The following CCDC195 variants were observed in gnomAD, a reference collection of about 807,000 sequenced individuals.
CCDC195 encodes coiled-coil domain-containing protein 195.
chr2:224,704,610 C>CTTTTTTTTTTTTTTTT (rs55801561), intron 2 of CCDC195, among the ~76,000 whole-genome samples: 9 of 110,616 alleles, frequency 8.1e-5, no homozygotes, highest in East Asian at 2.8e-4. Context: ...CTTTTCTTTT[C>CTTTTTTTTTTTTTTTT]TTTTTTTTTT....
intron 2 of CCDC195, among the ~76,000 whole-genome samples, chr2:224,706,821 C>G (rs773362807): frequency 5.3e-5 from 8 of 151,052 alleles, no homozygotes; most frequent in Non-Finnish European, 1.2e-4. Context: ...CTGGCTGTAA[C>G]TTTTTTTATG....
chr2:224,704,291 T>C (rs1237980779), intron 2 of CCDC195, among the ~76,000 whole-genome samples: 1 of 152,216 alleles, frequency 6.6e-6, no homozygotes. Flanking sequence ...CTTTTGACTG[T>C]GAATTAACTG....
At chr2:224,709,581 G>A (rs1689284541) in intron 2 of CCDC195, among the ~76,000 whole-genome samples, 1 of 152,176 alleles carries the variant, frequency 6.6e-6, no homozygotes, top group African/African-American at 2.4e-5. Flanking sequence ...AGCTCTTAAA[G>A]TAACTGTGCC....
chr2:224,705,345 T>A (rs1302809608), intron 2 of CCDC195, among the ~76,000 whole-genome samples: 1 of 152,216 alleles, frequency 6.6e-6, no homozygotes, highest in East Asian at 1.9e-4. Context: ...TGAAATTTGT[T>A]TTTCTAAAAC....
chr2:224,706,465 A>G (rs1697241565), intron 2 of CCDC195, among the ~76,000 whole-genome samples: 2 of 147,050 alleles, frequency 1.4e-5, no homozygotes, highest in Non-Finnish European at 3.0e-5. Context: ...TTGGCCTCCC[A>G]GAGTGCTGGG....
At chr2:224,715,719 T>G (rs1689372723) in intron 1 of CCDC195, among the ~76,000 whole-genome samples, 1 of 152,222 alleles carries the variant, frequency 6.6e-6, no homozygotes, top group East Asian at 1.9e-4. Flanking sequence ...CCATATTTGT[T>G]GACTTTGACA....
At chr2:224,715,701 A>G (rs531471801) in intron 1 of CCDC195, among the ~76,000 whole-genome samples, 40 of 152,336 alleles carry the variant, frequency 2.6e-4, no homozygotes, top group South Asian at 2.1e-3. Context: ...GAAGTGGTCA[A>G]TTGGCAACCA....
rs552840193 is a variant in CCDC195 at position 224,711,227 on chromosome 2, T to G, written c.236-1008A>C. 9.9e-5 allele frequency among the ~76,000 whole-genome samples: 15 copies of G among 152,232 alleles called. No homozygotes were observed. In the South Asian group the frequency reaches 2.7e-3, roughly 27 times the overall value. On this transcript the variant is annotated intron_variant, in intron 1 of 2. Coordinates refer to ENST00000638102, the Ensembl canonical transcript of CCDC195. ...ACACATGGCAAAGAGCAAAGATGCATGGTGTGGGAAATTGGAGAGCCCCTG... is the reference window on the plus strand; with the variant it reads ...ACACATGGCAAAGAGCAAAGATGCAGGGTGTGGGAAATTGGAGAGCCCCTG...
At chr2:224,704,881 C>T (rs539888898) in intron 2 of CCDC195, among the ~76,000 whole-genome samples, 104 of 152,220 alleles carry the variant, frequency 6.8e-4, no homozygotes, top group African/African-American at 2.2e-3. Flanking sequence ...CTTGACCTCC[C>T]GAAATGCTGG....
At chr2:224,706,138 A>T (rs548960841) in intron 2 of CCDC195, among the ~76,000 whole-genome samples, 1 of 134,726 alleles carries the variant, frequency 7.4e-6, no homozygotes, top group South Asian at 2.7e-4. Context: ...GATTATGAAG[A>T]GTTTTGTTTT....
intron 1 of CCDC195, among the ~76,000 whole-genome samples, chr2:224,710,977 T>C (rs1355814161): frequency 6.6e-6 from 1 of 152,158 alleles, no homozygotes; most frequent in East Asian, 1.9e-4. Flanking sequence ...ATAATAAAAA[T>C]AGACCTTAAA....
At chr2:224,704,227 T>G (rs907503679) in intron 2 of CCDC195, among the ~76,000 whole-genome samples, 1 of 152,222 alleles carries the variant, frequency 6.6e-6, no homozygotes, top group Admixed American at 6.5e-5. Context: ...CTTCAGCTCA[T>G]GAAATGAAGC....
At chr2:224,710,956 G>C (rs1287632020) in intron 1 of CCDC195, among the ~76,000 whole-genome samples, 2 of 152,138 alleles carry the variant, frequency 1.3e-5, no homozygotes, top group Non-Finnish European at 2.9e-5. Context: ...ACAGGGGCTT[G>C]ACATACATAG....
intron 1 of CCDC195, among the ~76,000 whole-genome samples, chr2:224,710,562 C>G (rs146273281): frequency 6.6e-6 from 1 of 152,136 alleles, no homozygotes; most frequent in Non-Finnish European, 1.5e-5. Flanking sequence ...TGCTTGAATC[C>G]GGGAGGCAGA....
At chr2:224,714,881 C>T (rs1053118179) in intron 1 of CCDC195, among the ~76,000 whole-genome samples, 5 of 152,194 alleles carry the variant, frequency 3.3e-5, no homozygotes, top group East Asian at 1.9e-4. Context: ...GAGAACCAAC[C>T]GGCAAATATG....
intron 1 of CCDC195, among the ~76,000 whole-genome samples, chr2:224,714,458 G>A (rs567525175): frequency 5.3e-5 from 8 of 152,194 alleles, no homozygotes; most frequent in Admixed American, 6.5e-5. Context: ...GATGGGGTGC[G>A]ATTTTGTTCC....
chr2:224,713,987 T>C (rs1176022575), intron 1 of CCDC195, among the ~76,000 whole-genome samples: 1 of 151,908 alleles, frequency 6.6e-6, no homozygotes, highest in African/African-American at 2.4e-5. Flanking sequence ...AATCCTTTTC[T>C]TTTCTTTTCT....
At chr2:224,714,278 CCT>C (rs1391832988) in intron 1 of CCDC195, among the ~76,000 whole-genome samples, 2 of 151,826 alleles carry the variant, frequency 1.3e-5, no homozygotes, top group Non-Finnish European at 2.9e-5. Flanking sequence ...ATGTTTAGAC[CCT>C]GAGAATTTAA....
At chr2:224,716,196 T>A in exon 1 of CCDC195, 1 of 398,734 alleles carries the variant, frequency 2.5e-6, no homozygotes, top group South Asian at 1.3e-4. Flanking sequence ...TGCTGGAGAT[T>A]GTCCTGGCGC....
Sources: allele counts gnomAD v4.1 joint callset (sites outside exome capture counted in the v4.1 genomes callset), GRCh38; gene constraint gnomAD v4.1.1; transcripts MANE v1.5; gene names NCBI Gene and HGNC (gene_info 2026-07-23, HGNC 2026-07-21).